The following PPP2R1B variants were observed in gnomAD, a reference collection of about 807,000 sequenced individuals.
The protein encoded by PPP2R1B is protein phosphatase 2 scaffold subunit Abeta, also known as serine/threonine-protein phosphatase 2A 65 kDa regulatory subunit A beta isoform.
Under a neutral mutation model 72.7 loss-of-function variants are expected in PPP2R1B, and 58 were observed. The ratio of observed to expected loss-of-function variants is 0.80; its 90% CI spans 0.65 to 0.99. The LOEUF is 0.99. Ranked by LOEUF, PPP2R1B falls within the 50% of genes least tolerant of loss-of-function variation. The pLI is 0.00. For missense variants in PPP2R1B, 695 were observed against 733.6 expected, an observed-to-expected ratio of 0.95 and a Z score of 0.61; for synonymous variants, 256 against 264.6, an observed-to-expected ratio of 0.97 and a Z score of 0.32.
intron 11 of PPP2R1B, among the ~76,000 whole-genome samples, chr11:111,744,606 T>A (rs1944638993): frequency 6.6e-6 from 1 of 152,144 alleles, no homozygotes. Context: ...GGGCTCAGAT[T>A]AACAAATCGA....
chr11:111,733,656 AC>A (rs1944260477), downstream of PPP2R1B, among the ~76,000 whole-genome samples: 1 of 152,132 alleles, frequency 6.6e-6, no homozygotes, highest in Non-Finnish European at 1.5e-5. Flanking sequence ...GGAAAAGCCC[AC>A]CAAGCCCTTT....
chr11:111,715,095 AGAT>A, the PPP2R1B span, among the ~76,000 whole-genome samples: 1 of 152,234 alleles, frequency 6.6e-6, no homozygotes, highest in Admixed American at 6.5e-5. Flanking sequence ...ATTTTGCAAA[AGAT>A]ATAGACAGGA....
Position 111,727,181 on chromosome 11 carries a change from G to A in PPP2R1B, c.1912-124C>T. 3.9e-6 allele frequency: 3 copies of A among 770,148 alleles called. No individual in the cohort carries two copies. The South Asian group carries it at 4.8e-5, about 12-fold the overall frequency. The allele number at this position is 770,148 out of a possible 1,614,324, so 47.7% of individuals were successfully genotyped here. On this transcript the variant is annotated intron_variant, in intron 15 of 15. Coordinates refer to the PPP2R1B transcript ENST00000311129. ...GCCTGCACTGCCTTCTGTCACCGTG[G>A]GAAAAGGAGGCTGATGGTTCTCTAC...
intron 10 of PPP2R1B, among the ~76,000 whole-genome samples, chr11:111,749,679 C>G (rs1944831319): frequency 6.6e-6 from 1 of 152,108 alleles, no homozygotes; most frequent in Non-Finnish European, 1.5e-5. Context: ...TATAAAATGA[C>G]TATCTGATAT....
At chr11:111,718,788 C>T in the PPP2R1B span, 1 of 152,232 alleles carries the variant, frequency 6.6e-6, no homozygotes, top group Non-Finnish European at 1.5e-5. Context: ...AACTCAGCGT[C>T]TTATGACTGG....
chr11:111,723,977 C>T (rs1260613245), downstream of PPP2R1B: 3 of 1,614,180 alleles, frequency 1.9e-6, no homozygotes, highest in African/African-American at 4.0e-5. Context: ...GCAGAGCGAC[C>T]TAACGGGGCC....
chr11:111,738,371 G>A lies in PPP2R1B; in HGVS notation c.*3225C>T, dbSNP rs892341814. ...TGTTTGGCCACCCTGCCCTGCCATCGCCACAGGGACAGAGCCAATGTGACG... is the reference window on the plus strand; with the variant it reads ...TGTTTGGCCACCCTGCCCTGCCATCACCACAGGGACAGAGCCAATGTGACG... On this transcript the variant is annotated 3_prime_UTR_variant, in exon 15 of 15. Coordinates refer to ENST00000527614, the MANE Select transcript of PPP2R1B (RefSeq NM_002716.5). The A allele has an allele frequency of 2.7e-5, 27 of 985,456 alleles. No homozygotes were observed. In the African/African-American group the frequency reaches 3.3e-4, roughly 12 times the overall value. The allele number at this position is 985,456 out of a possible 1,614,324, so 61.0% of individuals were successfully genotyped here. A position where few individuals can be genotyped will look rare whatever the true frequency, so the allele number is the denominator to read the frequency against.
At chr11:111,737,852 C>T (rs1944384232), downstream of PPP2R1B, 1 of 1,245,764 alleles carries the variant, frequency 8.0e-7, no homozygotes, top group African/African-American at 1.5e-5. Flanking sequence ...CTCCAGAGCC[C>T]CAACCACAGG....
chr11:111,694,009 T>A, the PPP2R1B span, among the ~76,000 whole-genome samples: 3 of 152,206 alleles, frequency 2.0e-5, no homozygotes, highest in African/African-American at 7.2e-5. Flanking sequence ...AAAGTTCATA[T>A]CTCATAGTGA....
chr11:111,723,861 C>T, downstream of PPP2R1B: 4 of 1,613,340 alleles, frequency 2.5e-6, no homozygotes, highest in Non-Finnish European at 3.4e-6. Flanking sequence ...CCAGGAGCTG[C>T]CCCAGCCCCC....
Position 111,739,736 on chromosome 11 carries a change from A to G in PPP2R1B, c.*1860T>C. On this transcript the variant is annotated 3_prime_UTR_variant, in exon 15 of 15. Transcript: ENST00000527614. ...TCAAATATGAAATTCAATGAAGAAG[A>G]ACATAACTTGCAGGTAACAAAAAAT... The G allele has an allele frequency of 4.1e-6, 4 of 983,354 alleles. No individual in the cohort carries two copies. The highest frequency in any genetic ancestry group is 4.8e-6 in the Non-Finnish European group (4 of 828,004). The allele number at this position is 983,354 out of a possible 1,614,324, so 60.9% of individuals were successfully genotyped here.
In PPP2R1B at chr11:111,764,880, T is replaced by C. The variant is rs782036964; in HGVS notation, c.231A>G (p.Val77=). 1.2e-6 allele frequency: 2 copies of C among 1,614,022 alleles called. No homozygotes were observed. The highest frequency in any genetic ancestry group is 8.5e-7 in the Non-Finnish European group (1 of 1,179,998). The part of the protein sequence containing the change: ...LTDTIYDEDE[V]LLALAEQLGN... ...CCAGCTGCTCAGCAAGAGCTAATAG[T>C]ACCTCATCTTCATCATAAATTGTAT... The change falls in exon 3 of 15, where the codon GTA becomes GTG. Residue 77 remains valine, a synonymous_variant. Transcript: ENST00000527614.
the PPP2R1B span, chr11:111,720,801 T>G: frequency 6.4e-7 from 1 of 1,571,866 alleles, no homozygotes; most frequent in Non-Finnish European, 8.6e-7. Context: ...ACTCGCGTCG[T>G]AGGAGAGCAG....
the PPP2R1B span, among the ~76,000 whole-genome samples, chr11:111,690,372 A>G: frequency 0.1 from 15,912 of 151,588 alleles, 1,150 homozygotes; most frequent in Non-Finnish European, 0.17. Context: ...AATATTTACC[A>G]AAACAATAGC....
intron 15 of PPP2R1B, chr11:111,727,230 C>T (rs150560721): frequency 2.7e-5 from 17 of 625,652 alleles, no homozygotes; most frequent in African/African-American, 9.1e-5. Context: ...AGAATCCCTG[C>T]GTGGGAGAGC....
chr11:111,763,925 A>G (rs1412172987), intron 3 of PPP2R1B, among the ~76,000 whole-genome samples: 3 of 152,096 alleles, frequency 2.0e-5, no homozygotes, highest in African/African-American at 7.2e-5. Context: ...GTTCCATGGA[A>G]AAGTCAGAAC....
At chr11:111,730,942 C>T (rs1181676755) in intron 15 of PPP2R1B, 1 of 152,224 alleles carries the variant, frequency 6.6e-6, no homozygotes, top group Non-Finnish European at 1.5e-5. Flanking sequence ...TGGAAGGTGG[C>T]TGTGTTCTCT....
At chr11:111,712,444 T>G in the PPP2R1B span, 1 of 1,504,332 alleles carries the variant, frequency 6.6e-7, no homozygotes, top group Non-Finnish European at 9.0e-7. Context: ...CCACAAGTGT[T>G]GTACTTTGGC....
chr11:111,727,119 G>T, intron 15 of PPP2R1B: 1 of 1,435,904 alleles, frequency 7.0e-7, no homozygotes, highest in African/African-American at 1.4e-5. Context: ...CATTCCCGGT[G>T]ACACTGACCG....
Sources: gnomAD v4.1 joint callset for allele counts (sites outside exome capture counted in the v4.1 genomes callset) on GRCh38, gnomAD v4.1.1 for gene constraint, MANE v1.5 for transcripts, NCBI Gene and HGNC (gene_info 2026-07-23, HGNC 2026-07-21) for gene names.